Variants in HOOK3 observed in about 807,000 individuals in gnomAD.
The protein encoded by HOOK3 is hook microtubule tethering protein 3.
A neutral mutation model predicts 116.3 loss-of-function variants in HOOK3; 24 were observed. The ratio of observed to expected loss-of-function variants is 0.21; its 90% CI spans 0.15 to 0.29. The LOEUF (loss-of-function observed/expected upper bound fraction) is 0.29, where lower values mean the gene tolerates loss of function less well. Ranked by LOEUF, HOOK3 falls within the 10% of genes least tolerant of loss-of-function variation. The pLI is 1.00. For synonymous variants in HOOK3, 275 were observed against 283.0 expected (o/e 0.97, Z 0.28); for missense variants, 632 against 830.2 (o/e 0.76, Z 2.93).
intron 5 of HOOK3, among the ~76,000 whole-genome samples, chr8:42,946,928 G>A (rs940159532): frequency 1.7e-4 from 26 of 151,682 alleles, no homozygotes; most frequent in African/African-American, 5.3e-4. Flanking sequence ...GTGCCACCAC[G>A]CCCGGCTAAT....
intron 4 of HOOK3, among the ~76,000 whole-genome samples, chr8:42,941,767 C>G (rs896005515): frequency 1.3e-5 from 2 of 152,046 alleles, no homozygotes; most frequent in East Asian, 3.9e-4. Flanking sequence ...ACCTTGTCTT[C>G]CACTCCTTCC....
intron 6 of HOOK3, among the ~76,000 whole-genome samples, chr8:42,953,302 A>C (rs1808375971): frequency 6.6e-6 from 1 of 151,184 alleles, no homozygotes; most frequent in African/African-American, 2.4e-5. Flanking sequence ...GCGGTGGCTC[A>C]TGCCTGTAAT....
intron 2 of HOOK3, among the ~76,000 whole-genome samples, chr8:42,906,630 A>G (rs554485895): frequency 1.2e-4 from 18 of 152,298 alleles, no homozygotes; most frequent in African/African-American, 3.8e-4. Flanking sequence ...CTGAGTACCC[A>G]TATAAAATAG....
chr8:42,904,974 C>T (rs533585204), intron 1 of HOOK3, among the ~76,000 whole-genome samples: 31 of 152,250 alleles, frequency 2.0e-4, no homozygotes, highest in African/African-American at 7.2e-4. Flanking sequence ...CGTCTAAATC[C>T]TGAGTACACT....
intron 4 of HOOK3, among the ~76,000 whole-genome samples, chr8:42,938,363 G>T (rs532612568): frequency 3.3e-5 from 5 of 152,066 alleles, no homozygotes; most frequent in South Asian, 2.1e-4. Context: ...TTGCTAGTCT[G>T]TGCCTTTAAA....
chr8:43,018,659 G>T lies in HOOK3; in HGVS notation c.*161G>T. On this transcript the variant is annotated 3_prime_UTR_variant, in exon 22 of 22. Coordinates refer to ENST00000307602, the MANE Select transcript of HOOK3 (RefSeq NM_032410.4). ...GACTTTTTCTCTCTCCTGTATCTTT[G>T]TTTTAGTTTCTTTGGTTTTTATTTT... 1.5e-6 allele frequency: 1 copy of T among 680,906 alleles called. No individual in the cohort carries two copies. The highest frequency in any genetic ancestry group is 3.2e-5 in the East Asian group (1 of 31,362). 42.2% of individuals were successfully genotyped at this position (680,906 alleles called of 1,614,324 possible). A position where few individuals can be genotyped will look rare whatever the true frequency, so the allele number is the denominator to read the frequency against.
intron 21 of HOOK3, 85 bp downstream of exon 21, chr8:43,013,485 C>T: frequency 9.0e-7 from 1 of 1,106,368 alleles, no homozygotes; most frequent in Non-Finnish European, 1.3e-6. Context: ...AGAAGTCACT[C>T]TACCAAATGA....
chr8:42,973,507 G>A, intron 12 of HOOK3, 108 bp downstream of exon 12: 1 of 690,000 alleles, frequency 1.4e-6, no homozygotes, highest in East Asian at 2.9e-5. Flanking sequence ...TTAAAAATTA[G>A]AAATCCTATT....
chr8:42,906,285 T>G (rs770851876), intron 2 of HOOK3, 27 bp downstream of exon 2: 1 of 1,408,804 alleles, frequency 7.1e-7, no homozygotes. Flanking sequence ...TATCTTTATG[T>G]GTATTCTTAT....
intron 5 of HOOK3, among the ~76,000 whole-genome samples, chr8:42,949,910 T>C (rs113950239): frequency 0.047 from 7,079 of 149,906 alleles, 331 homozygotes; most frequent in African/African-American, 0.12. Context: ...AGTGAGACTC[T>C]GTCTAAAAAA....
At position 42,993,964 on chromosome 8, in the gene HOOK3, G is replaced by A. The variant is rs536427930; in HGVS notation, c.1533-3586G>A. The stretch of plus-strand genomic sequence containing the variant: ...CTGGTTTTTGTTTTGTTGCTCTTTT[G>A]TATTGTTTTCTTCATTTCAAATTCA... On this transcript the variant is annotated intron_variant, in intron 15 of 21. Transcript: ENST00000307602. 8.8e-4 allele frequency among the ~76,000 whole-genome samples: 133 copies of A among 151,888 alleles called. 1 individual carries two copies. The highest frequency in any genetic ancestry group is 3.0e-3 in the African/African-American group (123 of 41,444).
At chr8:42,916,579 A>G (rs1406658130) in intron 2 of HOOK3, among the ~76,000 whole-genome samples, 1 of 152,172 alleles carries the variant, frequency 6.6e-6, no homozygotes, top group African/African-American at 2.4e-5. Flanking sequence ...TCCTATTCCC[A>G]CTTTGCACTG....
intron 3 of HOOK3, among the ~76,000 whole-genome samples, chr8:42,927,191 A>G (rs1309702107): frequency 2.7e-5 from 4 of 150,180 alleles, no homozygotes. Context: ...GTTTGCCAAA[A>G]TCTAATTCCT....
chr8:42,979,867 A>G (rs1188748374), intron 13 of HOOK3, among the ~76,000 whole-genome samples: 1 of 151,968 alleles, frequency 6.6e-6, no homozygotes, highest in African/African-American at 2.4e-5. Context: ...CCAAAAATAT[A>G]TCGTTTGTGA....
chr8:43,008,462 C>T (rs956632282), intron 18 of HOOK3, among the ~76,000 whole-genome samples: 2 of 151,752 alleles, frequency 1.3e-5, no homozygotes, highest in Admixed American at 6.6e-5. Flanking sequence ...GTGATACAGG[C>T]ATGAGCCACC....
intron 1 of HOOK3, chr8:42,897,397 G>A (rs1348953668): frequency 3.9e-5 from 15 of 382,812 alleles, no homozygotes; most frequent in Non-Finnish European, 6.9e-5. Context: ...CCCGGCCGGG[G>A]CTGGGCTGGG....
At chr8:42,946,763 C>CTTTTTTTTT (rs34564365) in intron 5 of HOOK3, among the ~76,000 whole-genome samples, 469 of 73,700 alleles carry the variant, frequency 6.4e-3, no homozygotes, top group South Asian at 6.8e-3. Context: ...CTCTTTCTTT[C>CTTTTTTTTT]TTTTTTTTTT....
chr8:42,939,846 G>C (rs1048310435), intron 4 of HOOK3, among the ~76,000 whole-genome samples: 2 of 151,752 alleles, frequency 1.3e-5, no homozygotes. Flanking sequence ...TCCCGGACGG[G>C]GCGGCAGGGC....
rs941978954 is a variant in HOOK3 at position 43,026,449 on chromosome 8, C to A, written c.*7951C>A. ...AATCTAAAGGTCTAAGTCTAGAAATCTGTTGGAAGCTGGGTTGGAGCTACT... is the reference window on the plus strand; with the variant it reads ...AATCTAAAGGTCTAAGTCTAGAAATATGTTGGAAGCTGGGTTGGAGCTACT... On this transcript the variant is annotated 3_prime_UTR_variant, in exon 22 of 22. Transcript: ENST00000307602. The A allele has an allele frequency of 7.2e-5, 15 of 207,592 alleles. No individual in the cohort carries two copies. The highest frequency in any genetic ancestry group is 9.8e-5 in the Non-Finnish European group (10 of 101,860). The allele number at this position is 207,592 out of a possible 1,614,324, so 12.9% of individuals were successfully genotyped here.
Sources: gnomAD v4.1 joint callset for allele counts (sites outside exome capture counted in the v4.1 genomes callset) on GRCh38, gnomAD v4.1.1 for gene constraint, MANE v1.5 for transcripts, NCBI Gene and HGNC (gene_info 2026-07-23, HGNC 2026-07-21) for gene names.